OR51B5: variants seen among roughly 807,000 people sequenced by gnomAD.
OR51B5 encodes olfactory receptor 51B5.
For synonymous variants in OR51B5, 186 were observed against 144.8 expected, an observed-to-expected ratio of 1.28 and a Z score of -2.04; for missense variants, 456 against 374.6, an observed-to-expected ratio of 1.22 and a Z score of -1.79.
At chr11:5,438,722 C>A (rs1589996009) in intron 1 of OR51B5, among the ~76,000 whole-genome samples, 1 of 152,126 alleles carries the variant, frequency 6.6e-6, no homozygotes, top group East Asian at 1.9e-4. Context: ...ATGCAAATCT[C>A]AAGACGAGGG....
At chr11:5,474,385 G>C (rs1434306595) in intron 1 of OR51B5, among the ~76,000 whole-genome samples, 1 of 152,240 alleles carries the variant, frequency 6.6e-6, no homozygotes, top group South Asian at 2.1e-4. Context: ...AACAACACAA[G>C]AGACTTGAAG....
chr11:5,394,680 C>A (rs569377604), intron 1 of OR51B5, among the ~76,000 whole-genome samples: 1 of 152,328 alleles, frequency 6.6e-6, no homozygotes, highest in South Asian at 2.1e-4. Context: ...TAAAATGTTA[C>A]CTATTTTGAA....
At chr11:5,431,150 G>A in intron 1 of OR51B5, 1 of 397,376 alleles carries the variant, frequency 2.5e-6, no homozygotes, top group Non-Finnish European at 5.1e-6. Flanking sequence ...ACACTCTTCA[G>A]TGTAATGCCC....
intron 1 of OR51B5, chr11:5,453,373 C>T: frequency 1.5e-6 from 1 of 660,534 alleles, no homozygotes; most frequent in Non-Finnish European, 2.4e-6. Flanking sequence ...CCATTTATGT[C>T]AACATCATCG....
intron 1 of OR51B5, among the ~76,000 whole-genome samples, chr11:5,491,008 A>G (rs554025597): frequency 6.6e-6 from 1 of 152,386 alleles, no homozygotes; most frequent in East Asian, 1.9e-4. Flanking sequence ...TTAATACTTC[A>G]TCAGACTAGG....
intron 1 of OR51B5, chr11:5,505,274 T>C (rs1033186311): frequency 2.3e-6 from 3 of 1,289,244 alleles, no homozygotes; most frequent in Non-Finnish European, 3.0e-6. Context: ...TCCTCAGACC[T>C]ATCTGGACTT....
At chr11:5,354,242 T>C (rs1356545502) in intron 1 of OR51B5, among the ~76,000 whole-genome samples, 6 of 152,222 alleles carry the variant, frequency 3.9e-5, no homozygotes, top group Non-Finnish European at 5.9e-5. Context: ...CCTTGGGCTT[T>C]TGGGAATGAA....
At chr11:5,457,334 G>A (rs1850975240) in intron 1 of OR51B5, among the ~76,000 whole-genome samples, 1 of 152,164 alleles carries the variant, frequency 6.6e-6, no homozygotes, top group Non-Finnish European at 1.5e-5. Context: ...TGGCTACATA[G>A]TATTCCATGG....
intron 1 of OR51B5, among the ~76,000 whole-genome samples, chr11:5,446,666 C>T (rs1336106247): frequency 6.6e-6 from 1 of 152,090 alleles, no homozygotes; most frequent in Non-Finnish European, 1.5e-5. Context: ...AGCTATTTTG[C>T]CAAAGATTAA....
intron 1 of OR51B5, among the ~76,000 whole-genome samples, chr11:5,492,885 T>C (rs1244184147): frequency 6.6e-6 from 1 of 152,154 alleles, no homozygotes; most frequent in Non-Finnish European, 1.5e-5. Flanking sequence ...TCCACCCACC[T>C]CAGCCTCCCA....
At chr11:5,377,345 GC>G (rs1281894418) in intron 1 of OR51B5, among the ~76,000 whole-genome samples, 1 of 152,100 alleles carries the variant, frequency 6.6e-6, no homozygotes, top group Non-Finnish European at 1.5e-5. Flanking sequence ...CAAACCCACA[GC>G]CAATATCATA....
chr11:5,501,288 G>A (rs2133820569), intron 1 of OR51B5, among the ~76,000 whole-genome samples: 1 of 148,070 alleles, frequency 6.8e-6, no homozygotes, highest in Middle Eastern at 3.4e-3. Flanking sequence ...AAAGAGGAAT[G>A]CCTGATTCTG....
At chr11:5,371,645 A>G (rs1038962661) in intron 1 of OR51B5, among the ~76,000 whole-genome samples, 6 of 152,178 alleles carry the variant, frequency 3.9e-5, no homozygotes, top group Non-Finnish European at 8.8e-5. Flanking sequence ...TGAAACAAGT[A>G]AGCTTGTTCA....
At chr11:5,421,656 G>A (rs1354752916) in intron 1 of OR51B5, among the ~76,000 whole-genome samples, 1 of 152,114 alleles carries the variant, frequency 6.6e-6, no homozygotes. Flanking sequence ...CTGCAGTACA[G>A]TAATAAAACC....
intron 1 of OR51B5, among the ~76,000 whole-genome samples, chr11:5,404,906 T>C (rs10768919): frequency 0.94 from 143,242 of 152,140 alleles, 67,853 homozygotes; most frequent in Non-Finnish European, 0.98. Context: ...GAAGAAACTC[T>C]AGACACATCT....
chr11:5,431,851 C>T (rs1298725108), intron 1 of OR51B5, among the ~76,000 whole-genome samples: 1 of 152,172 alleles, frequency 6.6e-6, no homozygotes, highest in Non-Finnish European at 1.5e-5. Context: ...TTTCAGACTG[C>T]TCCATCTTTT....
chr11:5,352,577 G>A (rs5024037), intron 1 of OR51B5: 241,699 of 626,640 alleles, frequency 0.39, 48,549 homozygotes, highest in Non-Finnish European at 0.42. Flanking sequence ...GTGGAAATCA[G>A]TCAATCCCTC....
chr11:5,395,692 G>T (rs1344152622), intron 1 of OR51B5, among the ~76,000 whole-genome samples: 3 of 152,144 alleles, frequency 2.0e-5, no homozygotes, highest in Admixed American at 6.5e-5. Flanking sequence ...AAAAGAGGCA[G>T]GGCCCATGTG....
intron 1 of OR51B5, chr11:5,453,326 C>T: frequency 2.2e-6 from 1 of 463,804 alleles, no homozygotes; most frequent in South Asian, 6.4e-5. Context: ...TTGCCTGCAT[C>T]ATCTCAAAAG....
Sources: allele counts gnomAD v4.1 joint callset (sites outside exome capture counted in the v4.1 genomes callset), GRCh38; gene constraint gnomAD v4.1.1; transcripts MANE v1.5; gene names NCBI Gene and HGNC (gene_info 2026-07-23, HGNC 2026-07-21).